The following ACAT1 variants were observed in gnomAD, a reference collection of about 807,000 sequenced individuals.
ACAT1 encodes the protein acetyl-CoA acetyltransferase 1.
A neutral mutation model predicts 47.3 loss-of-function variants in ACAT1; 28 were observed. The ratio of observed to expected loss-of-function variants is 0.59; its 90% CI spans 0.44 to 0.81. The LOEUF is 0.81. ACAT1 is among the 30% of genes least tolerant of loss of function. ACAT1 has a pLI of 0.00. For missense variants in ACAT1, 469 were observed against 524.3 expected, an observed-to-expected ratio of 0.89 and a Z score of 1.03; for synonymous variants, 181 against 173.6, an observed-to-expected ratio of 1.04 and a Z score of -0.34.
At chr11:108,138,441 G>C (rs752698267) in intron 5 of ACAT1, among the ~76,000 whole-genome samples, 9 of 151,096 alleles carry the variant, frequency 6.0e-5, no homozygotes, top group Non-Finnish European at 1.2e-4. Context: ...CTGCCCCCCA[G>C]GCTGGAGTGC....
chr11:108,123,591 G>A (rs1446611999), intron 1 of ACAT1, among the ~76,000 whole-genome samples: 1 of 152,140 alleles, frequency 6.6e-6, no homozygotes, highest in Non-Finnish European at 1.5e-5. Flanking sequence ...TACCTCCCAT[G>A]TATTCTGCAT....
Position 108,144,188 on chromosome 11 carries a change from GA to G in ACAT1, c.1005+145del. 3 of 859,354 alleles carry G rather than the reference GA, an allele frequency of 3.5e-6. No homozygotes were observed. The South Asian group carries it at 4.6e-5, about 13-fold the overall frequency. The allele number at this position is 859,354 out of a possible 1,614,324, so 53.2% of individuals were successfully genotyped here. A position where few individuals can be genotyped will look rare whatever the true frequency, so the allele number is the denominator to read the frequency against. ...TTCAAATCTTCCCATGTCTTCTCCT[GA>G]AAAGAGTAAGAGCAACAAGGATAAC... On this transcript the variant is annotated intron_variant, in intron 10 of 11. Coordinates refer to ENST00000265838, the MANE Select transcript of ACAT1 (RefSeq NM_000019.4).
At position 108,138,595 on chromosome 11, in the gene ACAT1, C is replaced by T. The variant is rs918310635; in HGVS notation, c.436-303C>T. ...TATTTTTAGTAGAGACGGGGTTTCACCATGTTGGCCAGGCGGATCCAGAAC... is the reference window on the plus strand; with the variant it reads ...TATTTTTAGTAGAGACGGGGTTTCATCATGTTGGCCAGGCGGATCCAGAAC... On this transcript the variant is annotated intron_variant, in intron 5 of 11. Transcript: ENST00000265838. 4.1e-5 allele frequency: 15 copies of T among 364,638 alleles called. 1 individual carries two copies. The highest frequency in any genetic ancestry group is 7.9e-5 in the Non-Finnish European group (15 of 189,744). 22.6% of individuals were successfully genotyped at this position (364,638 alleles called of 1,614,324 possible). A position where few individuals can be genotyped will look rare whatever the true frequency, so the allele number is the denominator to read the frequency against.
At chr11:108,135,263 CATTT>C (rs1466198401) in intron 5 of ACAT1, 21 bp downstream of exon 5, 3 of 1,548,676 alleles carry the variant, frequency 1.9e-6, no homozygotes, top group African/African-American at 2.7e-5. Flanking sequence ...CCGTCCTTCC[CATTT>C]ATTAATCAGA....
intron 1 of ACAT1, among the ~76,000 whole-genome samples, chr11:108,127,181 G>A (rs34971817): frequency 6.6e-6 from 1 of 151,368 alleles, no homozygotes; most frequent in African/African-American, 2.4e-5. Context: ...CAGCTGTCAG[G>A]TTGGCGCTTG....
At chr11:108,142,370 G>A in intron 8 of ACAT1, 67 bp from the exon 9 acceptor site, 1 of 1,245,310 alleles carries the variant, frequency 8.0e-7, no homozygotes, top group Non-Finnish European at 1.2e-6. Context: ...ATAGGTATTT[G>A]TTGAATTGAA....
intron 1 of ACAT1, among the ~76,000 whole-genome samples, chr11:108,125,794 C>T (rs547293128): frequency 9.2e-5 from 14 of 151,818 alleles, no homozygotes; most frequent in African/African-American, 2.2e-4. Flanking sequence ...GGCGTGGTGG[C>T]GGGCGCTTGT....
chr11:108,144,338 A>C, intron 10 of ACAT1: 1 of 399,586 alleles, frequency 2.5e-6, no homozygotes, highest in Non-Finnish European at 4.5e-6. Context: ...GGTAACCACA[A>C]AGCGGAGGGA....
At chr11:108,127,085 G>A (rs2077264388) in intron 1 of ACAT1, among the ~76,000 whole-genome samples, 1 of 151,812 alleles carries the variant, frequency 6.6e-6, no homozygotes, top group Non-Finnish European at 1.5e-5. Flanking sequence ...CAAACTGCTG[G>A]GATTACAGGG....
Position 108,144,433 on chromosome 11 carries a change from G to C in ACAT1, c.1005+386G>C, listed in dbSNP as rs79324071. ...ACTCCATTCTGAAAGGGAACAGCTG[G>C]CAGCAGGTCTTCAGAGTAAATAGTA... On this transcript the variant is annotated intron_variant, in intron 10 of 11. Coordinates refer to ENST00000265838, the MANE Select transcript of ACAT1 (RefSeq NM_000019.4). Among the ~76,000 whole-genome samples the C allele has an allele frequency of 7.1e-3, 1,081 of 152,252 alleles. 15 individuals are homozygous for C. The highest frequency in any genetic ancestry group is 0.025 in the African/African-American group (1,022 of 41,546).
At chr11:108,123,811 C>T (rs1294777584) in intron 1 of ACAT1, among the ~76,000 whole-genome samples, 1 of 152,108 alleles carries the variant, frequency 6.6e-6, no homozygotes, top group Non-Finnish European at 1.5e-5. Flanking sequence ...CCATTGTGCT[C>T]AGCCCAAGTT....
intron 5 of ACAT1, among the ~76,000 whole-genome samples, chr11:108,138,437 C>T (rs1171274496): frequency 1.3e-5 from 2 of 150,730 alleles, no homozygotes; most frequent in African/African-American, 4.9e-5. Context: ...TGCTCTGCCC[C>T]CCAGGCTGGA....
chr11:108,141,369 C>CAAAAAAAAAAAAAAA (rs60002941), intron 7 of ACAT1, among the ~76,000 whole-genome samples: 1 of 69,324 alleles, frequency 1.4e-5, no homozygotes, highest in Non-Finnish European at 2.5e-5. Flanking sequence ...AACCCTGCCT[C>CAAAAAAAAAAAAAAA]AAAAAAAAAA....
intron 10 of ACAT1, among the ~76,000 whole-genome samples, chr11:108,144,700 C>T (rs868637146): frequency 2.2e-3 from 18 of 8,042 alleles, no homozygotes; most frequent in African/African-American, 2.7e-3. Context: ...CCCCAACCCC[C>T]GCAATGAAAA....
intron 1 of ACAT1, among the ~76,000 whole-genome samples, chr11:108,123,875 A>C (rs1488837930): frequency 6.6e-6 from 1 of 151,966 alleles, no homozygotes; most frequent in Non-Finnish European, 1.5e-5. Context: ...TCCCTTCTTG[A>C]AACTGTTTTG....
intron 1 of ACAT1, among the ~76,000 whole-genome samples, chr11:108,125,756 T>G (rs2135300638): frequency 6.6e-6 from 1 of 151,888 alleles, no homozygotes; most frequent in South Asian, 2.1e-4. Context: ...TGAAACCCTG[T>G]CTCTATAAAA....
rs753349314 is a variant in ACAT1, at chr11:108,133,856, G to C, written c.157G>C (p.Gly53Arg). ...AGTAAGTGCTACAAGAACACCCATTGGATCTTTTTTAGGCAGCCTTTCCTT... is the reference window on the plus strand; with the variant it reads ...AGTAAGTGCTACAAGAACACCCATTCGATCTTTTTTAGGCAGCCTTTCCTT... ...VIVSATRTPI[G>R]SFLGSLSLLP... The change falls in exon 3 of 12, where the codon GGA becomes CGA. Residue 53 changes from glycine to arginine, a missense_variant. Coordinates refer to ENST00000265838, the MANE Select transcript of ACAT1 (RefSeq NM_000019.4). 6.2e-7 allele frequency: 1 copy of C among 1,614,004 alleles called. No individual in the cohort carries two copies. Among genetic ancestry groups the C allele is most frequent in the South Asian group, 1.1e-5 (1 of 91,054 alleles).
At position 108,139,052 on chromosome 11, in the gene ACAT1, T is replaced by C. The variant is rs1191067994; in HGVS notation, c.579+11T>C. ...AATAAAATTCATATGGTAAATGTGA[T>C]TTTTAGTGGATAAATGCTATCTAAT... is the stretch of plus-strand genomic sequence containing the variant. On this transcript the variant is annotated intron_variant, in intron 6 of 11. Transcript: ENST00000265838. 10 of 1,613,872 alleles carry C rather than the reference T, an allele frequency of 6.2e-6. No homozygotes were observed. The highest frequency in any genetic ancestry group is 1.3e-5 in the African/African-American group (1 of 74,940).
At chr11:108,130,708 A>G (rs2077340876) in intron 1 of ACAT1, among the ~76,000 whole-genome samples, 1 of 151,606 alleles carries the variant, frequency 6.6e-6, no homozygotes, top group Admixed American at 6.6e-5. Flanking sequence ...GTCTAATTTC[A>G]GATCAGTAGG....
Sources: allele counts gnomAD v4.1 joint callset (sites outside exome capture counted in the v4.1 genomes callset), GRCh38; gene constraint gnomAD v4.1.1; transcripts MANE v1.5; gene names NCBI Gene and HGNC (gene_info 2026-07-23, HGNC 2026-07-21).